Variants in AQR observed in about 807,000 individuals in gnomAD.
AQR encodes the protein RNA helicase aquarius.
A neutral mutation model predicts 180.5 loss-of-function variants in AQR; 61 were observed. The observed-to-expected ratio is 0.34, with a 90% CI of 0.28 to 0.42. The LOEUF (loss-of-function observed/expected upper bound fraction) is 0.42. AQR is among the 10% of genes least tolerant of loss of function. The pLI is 1.00. For synonymous variants in AQR, 551 were observed against 588.8 expected, an observed-to-expected ratio of 0.94 and a Z score of 0.93; for missense variants, 1,281 against 1,798.3, an observed-to-expected ratio of 0.71 and a Z score of 5.20.
Position 34,882,379 on chromosome 15 carries a change from G to A in AQR, c.3165+123C>T, listed in dbSNP as rs999959166. On this transcript the variant is annotated intron_variant, in intron 27 of 34. Coordinates refer to ENST00000156471, the MANE Select transcript of AQR (RefSeq NM_014691.3). ...GAGTTCACTAATCATGTAAACAAGG[G>A]ATATTATCATCCACTTATAAAAGAA... The A allele has an allele frequency of 2.8e-6, 3 of 1,075,100 alleles. No homozygotes were observed. The Admixed American group carries it at 1.1e-4, about 38-fold the overall frequency. The allele number at this position is 1,075,100 out of a possible 1,614,324, so 66.6% of individuals were successfully genotyped here.
intron 7 of AQR, 52 bp downstream of exon 7, chr15:34,941,960 A>G (rs1361502838): frequency 7.1e-7 from 1 of 1,402,504 alleles, no homozygotes; most frequent in Non-Finnish European, 9.8e-7. Flanking sequence ...CTAAAACCAC[A>G]CGTTCTACTT....
chr15:34,899,541 A>T (rs963427018), intron 20 of AQR, among the ~76,000 whole-genome samples: 12 of 144,266 alleles, frequency 8.3e-5, no homozygotes, highest in Non-Finnish European at 1.7e-4. Flanking sequence ...AATCTTGCTA[A>T]TTTTTTTTTT....
chr15:34,949,315 T>C (rs1392593623), intron 4 of AQR, among the ~76,000 whole-genome samples: 1 of 151,924 alleles, frequency 6.6e-6, no homozygotes, highest in African/African-American at 2.4e-5. Context: ...AAGGCTCTTC[T>C]TAAAGTAAAA....
At chr15:34,955,226 A>G (rs1279535747) in intron 3 of AQR, among the ~76,000 whole-genome samples, 2 of 152,236 alleles carry the variant, frequency 1.3e-5, no homozygotes, top group Non-Finnish European at 2.9e-5. Context: ...TAAGTTACCA[A>G]TATTTACTGA....
chr15:34,890,058 G>C (rs1204292594), intron 24 of AQR, among the ~76,000 whole-genome samples, 157 bp downstream of exon 24: 1 of 152,154 alleles, frequency 6.6e-6, no homozygotes, highest in Non-Finnish European at 1.5e-5. Flanking sequence ...GGGACATCAT[G>C]ACCATATTTC....
chr15:34,966,533 C>A (rs1032854655), intron 1 of AQR, among the ~76,000 whole-genome samples: 1 of 152,218 alleles, frequency 6.6e-6, no homozygotes, highest in East Asian at 1.9e-4. Context: ...TCTGGCATTT[C>A]TCACATTAAA....
intron 1 of AQR, 80 bp from the exon 2 acceptor site, chr15:34,964,370 C>A: frequency 8.2e-7 from 1 of 1,217,238 alleles, no homozygotes; most frequent in Non-Finnish European, 1.2e-6. Context: ...TAGTGATAAG[C>A]GGTTTCTTAA....
chr15:34,947,516 T>A (rs11853895), intron 5 of AQR, among the ~76,000 whole-genome samples: 107,172 of 134,774 alleles, frequency 0.8, 42,888 homozygotes, highest in Middle Eastern at 0.88. Context: ...ATAAAAAAAA[T>A]AATAATAATA....
At chr15:34,864,243 A>G (rs1892712578) in intron 32 of AQR, among the ~76,000 whole-genome samples, 1 of 152,164 alleles carries the variant, frequency 6.6e-6, no homozygotes, top group Non-Finnish European at 1.5e-5. Flanking sequence ...TGACACCAGC[A>G]TATGCTATCA....
chr15:34,885,558 C>T (rs1439719632), intron 25 of AQR, among the ~76,000 whole-genome samples: 1 of 152,120 alleles, frequency 6.6e-6, no homozygotes, highest in Admixed American at 6.5e-5. Context: ...CACTGTGAAG[C>T]CTCAAGTTCA....
chr15:34,917,092 TTA>T (rs1243831247), intron 15 of AQR, among the ~76,000 whole-genome samples: 6 of 152,150 alleles, frequency 3.9e-5, no homozygotes, highest in Non-Finnish European at 7.4e-5. Context: ...TTGAATTTCT[TTA>T]TAGTTTTATC....
intron 3 of AQR, among the ~76,000 whole-genome samples, chr15:34,958,553 G>A (rs1391088378): frequency 1.3e-5 from 2 of 152,150 alleles, no homozygotes. Context: ...ACACAGAAGA[G>A]AGCTACATAT....
intron 34 of AQR, among the ~76,000 whole-genome samples, chr15:34,858,025 C>T (rs377561814): frequency 6.6e-6 from 1 of 152,014 alleles, no homozygotes; most frequent in Admixed American, 6.6e-5. Context: ...ACTCTGTCGC[C>T]CAAGCTGGAG....
intron 33 of AQR, among the ~76,000 whole-genome samples, chr15:34,860,650 GTTC>G (rs1047401536): frequency 1.3e-5 from 2 of 152,180 alleles, no homozygotes; most frequent in Non-Finnish European, 2.9e-5. Context: ...TCCAAAGACA[GTTC>G]TTAAGATAAT....
chr15:34,887,801 CAA>C (rs559677944), intron 24 of AQR, among the ~76,000 whole-genome samples: 1 of 151,944 alleles, frequency 6.6e-6, no homozygotes, highest in Admixed American at 6.5e-5. Context: ...TGATTAAGAA[CAA>C]AAAAGAGATC....
chr15:34,891,441 C>G (rs1893146598), intron 23 of AQR, among the ~76,000 whole-genome samples: 1 of 152,126 alleles, frequency 6.6e-6, no homozygotes, highest in South Asian at 2.1e-4. Flanking sequence ...AAATGAAGAT[C>G]TGGCAAACAA....
chr15:34,903,184 A>G (rs1417030746), intron 19 of AQR, among the ~76,000 whole-genome samples: 1 of 152,154 alleles, frequency 6.6e-6, no homozygotes, highest in Non-Finnish European at 1.5e-5. Flanking sequence ...ATTATTTTAA[A>G]AAACAGCAAA....
chr15:34,940,445 G>A (rs569883174), intron 8 of AQR, among the ~76,000 whole-genome samples: 4 of 152,262 alleles, frequency 2.6e-5, no homozygotes, highest in South Asian at 2.1e-4. Context: ...AAGAGAAATC[G>A]CTTGAATCTG....
In AQR at chr15:34,900,871, T is replaced by C; in HGVS notation, c.2002-8A>G. 1 of 1,580,514 alleles carries C rather than the reference T, an allele frequency of 6.3e-7. No homozygotes were observed. Among genetic ancestry groups the C allele is most frequent in the Non-Finnish European group, 8.6e-7 (1 of 1,160,266 alleles). ...AATAGTCTCCAGCACAGCCTGTCAGTAAAAGGACAGAAAAAGATTGTGTCA... is the reference window on the plus strand; with the variant it reads ...AATAGTCTCCAGCACAGCCTGTCAGCAAAAGGACAGAAAAAGATTGTGTCA... On this transcript the variant is annotated splice_polypyrimidine_tract_variant and splice_region_variant and intron_variant, in intron 19 of 34. Coordinates refer to ENST00000156471, the MANE Select transcript of AQR (RefSeq NM_014691.3).
Sources: allele counts gnomAD v4.1 joint callset (sites outside exome capture counted in the v4.1 genomes callset), GRCh38; gene constraint gnomAD v4.1.1; transcripts MANE v1.5; gene names NCBI Gene and HGNC (gene_info 2026-07-23, HGNC 2026-07-21).